The following DAG1 variants were observed in gnomAD, a reference collection of about 807,000 sequenced individuals.
DAG1 encodes dystroglycan 1 (dystrophin-associated glycoprotein 1).
Under a neutral mutation model 46.1 loss-of-function variants are expected in DAG1, and 8 were observed. That is an observed-to-expected ratio of 0.17 (90% CI 0.10 to 0.31). The LOEUF (loss-of-function observed/expected upper bound fraction) is 0.31, where lower values mean the gene tolerates loss of function less well. Ranked by LOEUF, DAG1 falls within the 10% of genes least tolerant of loss-of-function variation. DAG1 has a pLI of 1.00. For synonymous variants in DAG1, 495 were observed against 481.8 expected, an observed-to-expected ratio of 1.03 and a Z score of -0.36; for missense variants, 1,003 against 1,189.9, an observed-to-expected ratio of 0.84 and a Z score of 2.31.
chr3:49,517,809 C>A (rs897242286), intron 2 of DAG1, among the ~76,000 whole-genome samples: 4 of 152,170 alleles, frequency 2.6e-5, no homozygotes, highest in African/African-American at 9.7e-5. Flanking sequence ...AAGTAGATGC[C>A]TAATTAAAGG....
chr3:49,527,921 C>G (rs1358090028), intron 2 of DAG1, among the ~76,000 whole-genome samples: 5 of 152,136 alleles, frequency 3.3e-5, no homozygotes. Context: ...CCAGGCCTTC[C>G]CTGTCACCTT....
chr3:49,496,128 T>C (rs1379063200), intron 1 of DAG1, among the ~76,000 whole-genome samples: 1 of 152,126 alleles, frequency 6.6e-6, no homozygotes, highest in African/African-American at 2.4e-5. Context: ...CTAATTGGTG[T>C]AACTAAGTAA....
chr3:49,482,917 G>A (rs770454027), intron 1 of DAG1, among the ~76,000 whole-genome samples: 11 of 152,112 alleles, frequency 7.2e-5, no homozygotes, highest in South Asian at 2.1e-4. Flanking sequence ...GCTGTCTAGG[G>A]CAGAAGTGAA....
At chr3:49,480,205 G>GC (rs1261170613) in intron 1 of DAG1, among the ~76,000 whole-genome samples, 3 of 148,886 alleles carry the variant, frequency 2.0e-5, no homozygotes, top group Admixed American at 6.8e-5. Context: ...ACCTGCCTTG[G>GC]CCCCCCAAAG....
intron 1 of DAG1, chr3:49,476,961 A>G (rs974110991): frequency 1.3e-5 from 2 of 152,136 alleles, no homozygotes; most frequent in African/African-American, 2.4e-5. Context: ...ATAATCACAT[A>G]CTGGCCAAAA....
chr3:49,514,848 GAC>G (rs1208343544), intron 2 of DAG1, among the ~76,000 whole-genome samples: 10 of 147,454 alleles, frequency 6.8e-5, no homozygotes, highest in African/African-American at 1.8e-4. Context: ...CACATACATA[GAC>G]ACACACACAC....
At position 49,531,871 on chromosome 3, in the gene DAG1, C is replaced by G. The variant is rs369872091; in HGVS notation, c.1360C>G (p.Arg454Gly). The part of the protein sequence containing the change: ...TTTRRPTKKP[R>G]TPRPVPRVTT... ...GACTCGCAGGCCAACCAAGAAACCA[C>G]GGACACCCCGGCCAGTGCCCCGGGT... The change falls in exon 3 of 3, where the codon CGG (arginine) becomes GGG (glycine). Residue 454 changes from arginine to glycine, a missense_variant. Physicochemically the swap from Arg to Gly is moderately radical, Grantham distance 125. Around this residue, in one of 3 missense-constraint regions of DAG1, gnomAD observed 755 missense variants for 854.1 expected, o/e 0.88. Coordinates refer to ENST00000308775, the MANE Select transcript of DAG1 (RefSeq NM_004393.6). This position sits in a 1 kb window ranked among gnomAD's most constrained non-coding sequence, Gnocchi z 7.0. 2 of 1,614,064 alleles carry G rather than the reference C, an allele frequency of 1.2e-6. No homozygotes were observed. Among genetic ancestry groups the G allele is most frequent in the East Asian group, 2.2e-5 (1 of 44,870 alleles).
At chr3:49,511,540 G>T (rs1433584817) in intron 2 of DAG1, among the ~76,000 whole-genome samples, 1 of 152,204 alleles carries the variant, frequency 6.6e-6, no homozygotes, top group East Asian at 1.9e-4. Context: ...TAGAGCAGAA[G>T]TCAGCACACT....
chr3:49,516,228 T>C (rs894684574), intron 2 of DAG1, among the ~76,000 whole-genome samples: 2 of 152,130 alleles, frequency 1.3e-5, no homozygotes, highest in Non-Finnish European at 2.9e-5. Flanking sequence ...TTCTTGTTTT[T>C]TGTTAGTCAT....
At chr3:49,503,715 C>G (rs750666062) in intron 1 of DAG1, among the ~76,000 whole-genome samples, 3 of 151,792 alleles carry the variant, frequency 2.0e-5, no homozygotes, top group Non-Finnish European at 4.4e-5. Context: ...GTGGTCCCAG[C>G]TATTTCGGAA....
rs774973449 is a variant in DAG1, at chr3:49,510,582, G to A, written c.48G>A (p.Arg16=). Residue 16 remains arginine, a synonymous_variant, in exon 2 of 3, where the codon AGG becomes AGA. Coordinates refer to ENST00000308775, the MANE Select transcript of DAG1 (RefSeq NM_004393.6). ...GLSLLLPLSG[R]TFLLLLSVVM... ...CGCTGCTGCTGCCCCTCTCGGGGAG[G>A]ACCTTTCTCCTCCTGCTCTCTGTGG... 6.2e-7 allele frequency: 1 copy of A among 1,613,938 alleles called. No homozygotes were observed.
chr3:49,525,887 T>C (rs1358928676), intron 2 of DAG1, among the ~76,000 whole-genome samples: 1 of 147,242 alleles, frequency 6.8e-6, no homozygotes, highest in Non-Finnish European at 1.5e-5. Flanking sequence ...GTTTCGCTCT[T>C]CTGCCCAGGC....
chr3:49,530,648 T>C (rs2051313203), intron 2 of DAG1, 149 bp from the exon 3 acceptor site: 2 of 1,135,498 alleles, frequency 1.8e-6, no homozygotes, highest in African/African-American at 1.5e-5. Flanking sequence ...AACTCAGTTG[T>C]GTCTCTCTAG....
chr3:49,470,696 C>T (rs897176102), intron 1 of DAG1: 1 of 152,260 alleles, frequency 6.6e-6, no homozygotes, highest in Non-Finnish European at 1.5e-5. Flanking sequence ...GGCCTTAGCT[C>T]GGCCCGCGCT....
intron 1 of DAG1, among the ~76,000 whole-genome samples, chr3:49,485,238 G>C (rs564520336): frequency 6.6e-6 from 1 of 151,636 alleles, no homozygotes; most frequent in East Asian, 2.0e-4. Context: ...GGCTCCCAAA[G>C]TGCTGGGATT....
chr3:49,499,736 G>T (rs2050397398), intron 1 of DAG1, among the ~76,000 whole-genome samples: 1 of 152,162 alleles, frequency 6.6e-6, no homozygotes, highest in Admixed American at 6.5e-5. Flanking sequence ...CTTCCTGGGG[G>T]ATGGTATTGG....
intron 1 of DAG1, among the ~76,000 whole-genome samples, chr3:49,491,059 G>A (rs2050169257): frequency 6.6e-6 from 1 of 150,438 alleles, no homozygotes; most frequent in South Asian, 2.1e-4. Flanking sequence ...GCTAATTTTT[G>A]TACTTTAGTA....
chr3:49,473,259 C>T (rs2106766895), intron 1 of DAG1, among the ~76,000 whole-genome samples: 1 of 144,460 alleles, frequency 6.9e-6, no homozygotes, highest in South Asian at 2.3e-4. Context: ...ACTAAAAATA[C>T]AAAAAATTAG....
intron 1 of DAG1, among the ~76,000 whole-genome samples, chr3:49,486,017 A>G (rs1575350869): frequency 6.6e-6 from 1 of 151,778 alleles, no homozygotes; most frequent in Admixed American, 6.6e-5. Context: ...AGGAGAATGT[A>G]AGGAATTCCA....
Sources: allele counts gnomAD v4.1 joint callset (sites outside exome capture counted in the v4.1 genomes callset), GRCh38; gene constraint gnomAD v4.1.1; regional missense constraint gnomAD v4.1.1; non-coding constraint Gnocchi (gnomAD v3.1); transcripts MANE v1.5; gene names NCBI Gene and HGNC (gene_info 2026-07-23, HGNC 2026-07-21).